STAU1: variants seen among roughly 807,000 people sequenced by gnomAD.
STAU1 encodes the protein staufen double-stranded RNA binding protein 1.
STAU1 carries 13 observed loss-of-function variants against 62.9 expected under a neutral mutation model. The observed-to-expected ratio is 0.21, with a 90% CI of 0.13 to 0.33. The LOEUF (loss-of-function observed/expected upper bound fraction) is 0.33, where lower values mean the gene tolerates loss of function less well. Ranked by LOEUF, STAU1 falls within the 10% of genes least tolerant of loss-of-function variation. The probability of loss-of-function intolerance (pLI) is 1.00; values close to 1 mark genes in which losing one functional copy is unlikely to be tolerated. For missense variants in STAU1, 571 were observed against 712.1 expected, an observed-to-expected ratio of 0.80 and a Z score of 2.25; for synonymous variants, 269 against 265.1, an observed-to-expected ratio of 1.01 and a Z score of -0.14.
chr20:49,148,501 T>A (rs1031024983), intron 5 of STAU1, among the ~76,000 whole-genome samples: 1 of 152,260 alleles, frequency 6.6e-6, no homozygotes, highest in African/African-American at 2.4e-5. Flanking sequence ...GTAAGGGATA[T>A]TCATCTAGTA....
At chr20:49,115,913 A>T in intron 12 of STAU1, 46 bp from the exon 13 acceptor site, 1 of 1,556,920 alleles carries the variant, frequency 6.4e-7, no homozygotes, top group Non-Finnish European at 8.9e-7. Context: ...ACCGCTTGGG[A>T]CCACAGCATA....
chr20:49,134,692 A>G (rs1275053525), intron 6 of STAU1: 1 of 1,085,238 alleles, frequency 9.2e-7, no homozygotes, highest in East Asian at 2.4e-5. Flanking sequence ...TGATATATTT[A>G]ACTCTCTACA....
rs1402921137 is a variant in STAU1 at position 49,135,690 on chromosome 20, CTAAATA to C, written c.609+137_609+142del. 88 of 681,090 alleles carry C rather than the reference CTAAATA, an allele frequency of 1.3e-4. 1 individual carries two copies. Among genetic ancestry groups the C allele is most frequent in the South Asian group, 7.2e-4 (37 of 51,356 alleles). The allele number at this position is 681,090 out of a possible 1,614,324, so 42.2% of individuals were successfully genotyped here. On this transcript the variant is annotated intron_variant, in intron 6 of 13. Coordinates refer to ENST00000371856, the MANE Select transcript of STAU1 (RefSeq NM_017453.4). ...GAAGAAGAGAATAAACACTGCTTCA[CTAAATA>C]TAAAGTATGAATCTTAAATTTGGAG...
intron 5 of STAU1, among the ~76,000 whole-genome samples, chr20:49,141,342 AC>A (rs2093003236): frequency 6.6e-6 from 1 of 152,196 alleles, no homozygotes; most frequent in African/African-American, 2.4e-5. Flanking sequence ...TAGTCCCAAC[AC>A]TTCTGGAGGC....
chr20:49,165,766 T>C (rs1225584657), intron 3 of STAU1, among the ~76,000 whole-genome samples: 3 of 152,244 alleles, frequency 2.0e-5, no homozygotes, highest in African/African-American at 7.2e-5. Context: ...GTGAGTAGTT[T>C]TCAGCTTTCA....
chr20:49,118,332 C>CTAG lies in STAU1; in HGVS notation c.1187_1189dup (p.Thr396dup). ...GAAGACGATATTAAGATCACACTTACTAGTCCCATTTTCATCCCCAGAGCC... is the reference window on the plus strand; with the variant it reads ...GAAGACGATATTAAGATCACACTTACTAGTAGTCCCATTTTCATCCCCAGAGCC... On this transcript the variant is annotated inframe_insertion and splice_region_variant. Coordinates refer to ENST00000371856, the MANE Select transcript of STAU1 (RefSeq NM_017453.4). 6.2e-7 allele frequency: 1 copy of CTAG among 1,613,200 alleles called. No homozygotes were observed. Among genetic ancestry groups the CTAG allele is most frequent in the Non-Finnish European group, 8.5e-7 (1 of 1,179,316 alleles).
chr20:49,129,279 A>T (rs868292035), intron 6 of STAU1, among the ~76,000 whole-genome samples: 20 of 101,978 alleles, frequency 2.0e-4, no homozygotes, highest in African/African-American at 4.8e-4. Flanking sequence ...TTTAAAAAAA[A>T]ATTTTTTTTT....
intron 6 of STAU1, among the ~76,000 whole-genome samples, chr20:49,133,724 G>A (rs928739406): frequency 6.6e-6 from 1 of 152,192 alleles, no homozygotes; most frequent in African/African-American, 2.4e-5. Context: ...AGAGAACAGT[G>A]TAAACCTGCT....
chr20:49,141,303 A>C (rs932580507), intron 5 of STAU1, among the ~76,000 whole-genome samples: 13 of 152,196 alleles, frequency 8.5e-5, no homozygotes, highest in Admixed American at 2.0e-4. Flanking sequence ...TAAGAAAAAC[A>C]ATGAGCCACG....
rs529303502 is a variant in STAU1, at chr20:49,160,388, T to C, written c.205+5609A>G. 6.6e-5 allele frequency among the ~76,000 whole-genome samples: 10 copies of C among 152,340 alleles called. No homozygotes were observed. The South Asian group carries it at 1.9e-3, about 28-fold the overall frequency. ...GATAAATAACTCATCCTTAATTATA[T>C]TATCTTTGCTGCAAGGTTAGGATCA... On this transcript the variant is annotated intron_variant, in intron 3 of 13. Coordinates refer to ENST00000371856, the MANE Select transcript of STAU1 (RefSeq NM_017453.4).
At chr20:49,170,658 A>C (rs1290523484) in intron 2 of STAU1, among the ~76,000 whole-genome samples, 1 of 152,154 alleles carries the variant, frequency 6.6e-6, no homozygotes, top group Admixed American at 6.6e-5. Flanking sequence ...CCAGCCAGAA[A>C]AACATTTTTA....
At chr20:49,127,671 A>T (rs2092659950) in intron 6 of STAU1, among the ~76,000 whole-genome samples, 1 of 152,104 alleles carries the variant, frequency 6.6e-6, no homozygotes, top group African/African-American at 2.4e-5. Context: ...GCGCCATTGC[A>T]TTCCAGCCCG....
chr20:49,178,139 T>A (rs555599756), intron 1 of STAU1, among the ~76,000 whole-genome samples: 1 of 152,260 alleles, frequency 6.6e-6, no homozygotes, highest in African/African-American at 2.4e-5. Flanking sequence ...AGTGCACCAC[T>A]GCACTCCAGC....
At chr20:49,144,337 A>T (rs1278074049) in intron 5 of STAU1, among the ~76,000 whole-genome samples, 1 of 151,954 alleles carries the variant, frequency 6.6e-6, no homozygotes, top group African/African-American at 2.4e-5. Flanking sequence ...TTGTCGAAAA[A>T]TGTTGCATGA....
chr20:49,216,513 G>A, the STAU1 span, among the ~76,000 whole-genome samples: 7 of 151,750 alleles, frequency 4.6e-5, no homozygotes, highest in Non-Finnish European at 8.8e-5. Flanking sequence ...GGGCGACAAA[G>A]TGAGACTCAT....
Position 49,139,523 on chromosome 20 carries a change from G to A in STAU1, c.511-3592C>T, listed in dbSNP as rs189942619. On this transcript the variant is annotated intron_variant, in intron 5 of 13. Coordinates refer to ENST00000371856, the MANE Select transcript of STAU1 (RefSeq NM_017453.4). ...GTGGGTCACCTGAGGTCAGAGGTTC[G>A]AGACCAGCCTGGCCAACATGGTGAA... 1.3e-4 allele frequency among the ~76,000 whole-genome samples: 20 copies of A among 152,176 alleles called. 1 individual carries two copies. Among genetic ancestry groups the A allele is most frequent in the South Asian group, 6.2e-4 (3 of 4,822 alleles).
Position 49,113,796 on chromosome 20 carries a change from C to G in STAU1, c.*1082G>C, listed in dbSNP as rs544832601. On this transcript the variant is annotated 3_prime_UTR_variant, in exon 14 of 14. Coordinates refer to ENST00000371856, the MANE Select transcript of STAU1 (RefSeq NM_017453.4). ...GTATCGAGCACTCTGGAAAATCACT[C>G]TGCAGGTTTATATGGACTACATGGA... 1 of 152,756 alleles carries G rather than the reference C, an allele frequency of 6.5e-6. No individual in the cohort carries two copies. The highest frequency in any genetic ancestry group is 2.1e-4 in the South Asian group (1 of 4,830). The allele number at this position is 152,756 out of a possible 1,614,324, so 9.5% of individuals were successfully genotyped here. A position where few individuals can be genotyped will look rare whatever the true frequency, so the allele number is the denominator to read the frequency against.
intron 3 of STAU1, 147 bp from the exon 4 acceptor site, chr20:49,154,218 C>T: frequency 1.5e-6 from 1 of 687,590 alleles, no homozygotes; most frequent in South Asian, 2.3e-5. Flanking sequence ...AGGCATCAGA[C>T]AAGGAAATCC....
chr20:49,192,576 C>A (rs991442807), upstream of STAU1, among the ~76,000 whole-genome samples: 3 of 152,090 alleles, frequency 2.0e-5, no homozygotes, highest in African/African-American at 7.2e-5. Flanking sequence ...ATTAAGATAT[C>A]AGTTGATCAA....
Sources: allele counts gnomAD v4.1 joint callset (sites outside exome capture counted in the v4.1 genomes callset), GRCh38; gene constraint gnomAD v4.1.1; transcripts MANE v1.5; gene names NCBI Gene and HGNC (gene_info 2026-07-23, HGNC 2026-07-21).